The following GRIA4 variants were observed in gnomAD, a reference collection of about 807,000 sequenced individuals.
GRIA4 encodes glutamate ionotropic receptor AMPA type subunit 4, also known as glutamate receptor 4.
GRIA4 carries 34 observed loss-of-function variants against 104.0 expected under a neutral mutation model. The observed-to-expected ratio is 0.33, with a 90% CI of 0.25 to 0.44. The LOEUF (loss-of-function observed/expected upper bound fraction) is 0.44. Ranked by LOEUF, GRIA4 falls within the 20% of genes least tolerant of loss-of-function variation. The pLI, the probability that GRIA4 is intolerant of heterozygous loss-of-function variation, is 1.00. For synonymous variants in GRIA4, 386 were observed against 381.9 expected (o/e 1.01, Z -0.13); for missense variants, 750 against 1,096.5 (o/e 0.68, Z 4.46).
At chr11:105,670,974 G>A (rs77498389) in intron 3 of GRIA4, among the ~76,000 whole-genome samples, 5,488 of 152,074 alleles carry the variant, frequency 0.036, 151 homozygotes, top group Non-Finnish European at 0.058. Context: ...TGCTTGGCTT[G>A]TGGCCCACTT....
intron 7 of GRIA4, among the ~76,000 whole-genome samples, chr11:105,900,136 A>C (rs1017840929): frequency 6.6e-6 from 1 of 152,202 alleles, no homozygotes; most frequent in East Asian, 1.9e-4. Flanking sequence ...ACAGTTCCAC[A>C]AATAACCACA....
intron 6 of GRIA4, among the ~76,000 whole-genome samples, chr11:105,888,441 G>T (rs1427671343): frequency 8.0e-5 from 12 of 150,008 alleles, no homozygotes; most frequent in Admixed American, 1.3e-4. Flanking sequence ...CCGCCACTAC[G>T]CCCGGCTAAT....
At chr11:105,780,551 AC>A (rs1448196432) in intron 4 of GRIA4, among the ~76,000 whole-genome samples, 2 of 152,150 alleles carry the variant, frequency 1.3e-5, no homozygotes, top group African/African-American at 4.8e-5. Context: ...GGTATTGTAT[AC>A]AAAGGAGGAC....
intron 4 of GRIA4, among the ~76,000 whole-genome samples, chr11:105,814,196 A>G (rs1010178639): frequency 1.3e-5 from 2 of 152,204 alleles, no homozygotes; most frequent in Admixed American, 6.5e-5. Context: ...AAGTAAGTCC[A>G]TGAGGATTTT....
intron 8 of GRIA4, 23 bp downstream of exon 8, chr11:105,904,004 T>C (rs750837704): frequency 1.3e-6 from 2 of 1,491,622 alleles, no homozygotes; most frequent in African/African-American, 2.8e-5. Context: ...TTTATTTAAG[T>C]TCAATTCATT....
At chr11:105,965,874 G>C (rs1361989204) in intron 14 of GRIA4, 14 of 1,039,858 alleles carry the variant, frequency 1.3e-5, no homozygotes, top group Non-Finnish European at 2.1e-5. Context: ...CTTATAAAGA[G>C]CTTAAGTCCT....
chr11:105,788,251 T>A (rs915733770), intron 4 of GRIA4, among the ~76,000 whole-genome samples: 21 of 152,220 alleles, frequency 1.4e-4, no homozygotes, highest in African/African-American at 5.1e-4. Flanking sequence ...AAACAAAAGA[T>A]GTTGGCATGG....
In GRIA4 at chr11:105,924,407, G is replaced by T. The variant is rs1350812050; in HGVS notation, c.1485G>T (p.Glu495Asp). The change falls in exon 12 of 17, where the codon GAG becomes GAT. Residue 495 changes from glutamate (E) to aspartate (D), a missense_variant. Glu to Asp is a conservative substitution (Grantham distance 45). Transcript: ENST00000282499. ...MVGELVYGKA[E>D]IAIAPLTITL... ...TGTTTTTTCTCTTATAGAAAGCAGAGATTGCTATTGCCCCTCTGACAATCA... is the reference window on the plus strand; with the variant it reads ...TGTTTTTTCTCTTATAGAAAGCAGATATTGCTATTGCCCCTCTGACAATCA... 5 of 1,589,774 alleles carry T rather than the reference G, an allele frequency of 3.1e-6. No individual in the cohort carries two copies. The highest frequency in any genetic ancestry group is 4.3e-6 in the Non-Finnish European group (5 of 1,165,086).
Position 105,671,026 on chromosome 11 carries a change from C to T in GRIA4, c.247+58592C>T, listed in dbSNP as rs149624665. ...TGACAACATTGCATCTCTCTCTGCC[C>T]TTTTTCCACACTGAGTCACATCTTC... is the stretch of plus-strand genomic sequence containing the variant. On this transcript the variant is annotated intron_variant, in intron 3 of 16. Transcript: ENST00000282499. 3.3e-3 allele frequency among the ~76,000 whole-genome samples: 502 copies of T among 152,192 alleles called. 6 individuals carry two copies. In the East Asian group the frequency reaches 0.058, roughly 17 times the overall value.
intron 13 of GRIA4, among the ~76,000 whole-genome samples, chr11:105,929,654 G>C (rs551299749): frequency 1.3e-5 from 2 of 152,104 alleles, no homozygotes; most frequent in African/African-American, 4.8e-5. Context: ...ACTATCTCAG[G>C]GTTTATGATA....
chr11:105,636,660 C>T (rs1421986511), intron 3 of GRIA4, among the ~76,000 whole-genome samples: 2 of 152,150 alleles, frequency 1.3e-5, no homozygotes, highest in African/African-American at 4.8e-5. Flanking sequence ...TATGGTGATA[C>T]TTCCTCACTG....
intron 3 of GRIA4, among the ~76,000 whole-genome samples, chr11:105,658,326 C>G (rs570389808): frequency 2.0e-5 from 3 of 151,766 alleles, no homozygotes; most frequent in Non-Finnish European, 4.4e-5. Flanking sequence ...TCCTGAACAG[C>G]TTTCTTCTTT....
chr11:105,954,967 T>C (rs1033088604), intron 14 of GRIA4, among the ~76,000 whole-genome samples: 1 of 149,934 alleles, frequency 6.7e-6, no homozygotes, highest in Admixed American at 6.7e-5. Context: ...ATGCTATATA[T>C]ATAATGTTAC....
Position 105,905,333 on chromosome 11 carries a change from C to A in GRIA4, c.1158+32C>A, listed in dbSNP as rs1167557930. On this transcript the variant is annotated intron_variant, in intron 9 of 16. Coordinates refer to ENST00000282499, the MANE Select transcript of GRIA4 (RefSeq NM_000829.4). ...CACGATCAAACTGAAAAACAGAATT[C>A]TCTGTTTCTTAGTTTGTATGTAACA... 13 of 1,151,716 alleles carry A rather than the reference C, an allele frequency of 1.1e-5. No homozygotes were observed. In the East Asian group the frequency reaches 2.1e-4, roughly 19 times the overall value. The allele number at this position is 1,151,716 out of a possible 1,614,324, so 71.3% of individuals were successfully genotyped here.
intron 3 of GRIA4, among the ~76,000 whole-genome samples, chr11:105,617,471 G>A (rs1286526138): frequency 2.6e-5 from 4 of 151,674 alleles, no homozygotes; most frequent in Non-Finnish European, 2.9e-5. Context: ...TGCTTTTACC[G>A]GAAGGCCATA....
intron 4 of GRIA4, among the ~76,000 whole-genome samples, chr11:105,754,291 A>T (rs1003459498): frequency 3.3e-5 from 5 of 152,178 alleles, no homozygotes; most frequent in Admixed American, 6.5e-5. Context: ...ACTACTTTTT[A>T]AAAAATTTCT....
chr11:105,726,204 G>C (rs1938196294), intron 3 of GRIA4, among the ~76,000 whole-genome samples: 1 of 152,080 alleles, frequency 6.6e-6, no homozygotes, highest in Non-Finnish European at 1.5e-5. Flanking sequence ...AGCTTGGTGG[G>C]GAGAGGGGCG....
chr11:105,830,272 T>C (rs1455518044), intron 4 of GRIA4, among the ~76,000 whole-genome samples: 4 of 152,034 alleles, frequency 2.6e-5, no homozygotes, highest in Non-Finnish European at 5.9e-5. Flanking sequence ...ACAGGGTGAC[T>C]ATTTGGGAAA....
intron 4 of GRIA4, among the ~76,000 whole-genome samples, chr11:105,818,922 A>G (rs1349396194): frequency 6.6e-6 from 1 of 152,176 alleles, no homozygotes; most frequent in African/African-American, 2.4e-5. Context: ...ATTTTTATGC[A>G]TGTGTAACAA....
Sources: gnomAD v4.1 joint callset for allele counts (sites outside exome capture counted in the v4.1 genomes callset) on GRCh38, gnomAD v4.1.1 for gene constraint, MANE v1.5 for transcripts, NCBI Gene and HGNC (gene_info 2026-07-23, HGNC 2026-07-21) for gene names.